UBE2U: variants seen among roughly 807,000 people sequenced by gnomAD.
The protein encoded by UBE2U is ubiquitin conjugating enzyme E2 U.
A neutral mutation model predicts 41.2 loss-of-function variants in UBE2U; 39 were observed. The observed-to-expected ratio is 0.95, with a 90% CI of 0.73 to 1.24. The LOEUF (loss-of-function observed/expected upper bound fraction) is 1.24, where lower values mean the gene tolerates loss of function less well. Among genes scored for constraint, UBE2U ranks in the 50% most tolerant of loss-of-function variants. UBE2U has a pLI of 0.00. For synonymous variants in UBE2U, 107 were observed against 117.8 expected (o/e 0.91, Z 0.60); for missense variants, 336 against 363.1 (o/e 0.93, Z 0.61).
intron 8 of UBE2U, chr1:64,244,078 C>A: frequency 1.5e-6 from 2 of 1,293,242 alleles, no homozygotes; most frequent in African/African-American, 1.5e-5. Flanking sequence ...TCATAAAGTT[C>A]GCTATTATTC....
At chr1:64,261,519 G>A (rs889571071) in intron 9 of UBE2U, among the ~76,000 whole-genome samples, 2 of 152,162 alleles carry the variant, frequency 1.3e-5, no homozygotes, top group African/African-American at 4.8e-5. Context: ...TTCATTCAGT[G>A]ATTCTCCAAG....
intron 6 of UBE2U, among the ~76,000 whole-genome samples, chr1:64,223,168 C>CACACCTGAT (rs1436634401): frequency 6.6e-6 from 1 of 152,196 alleles, no homozygotes; most frequent in African/African-American, 2.4e-5. Context: ...TGTGAGGATA[C>CACACCTGAT]ACACCTGATT....
chr1:64,239,090 G>GAAGAAGAAGAAGAAGAAGAAGAAGA (rs1557729590), intron 7 of UBE2U, among the ~76,000 whole-genome samples: 1 of 48,118 alleles, frequency 2.1e-5, no homozygotes, highest in African/African-American at 8.2e-5. Flanking sequence ...GGAAGAGGAA[G>GAAGAAGAAGAAGAAGAAGAAGAAGA]AGGAAGAAGA....
chr1:64,260,813 T>C lies in UBE2U; in HGVS notation c.769+119T>C. On this transcript the variant is annotated intron_variant, in intron 9 of 9. Coordinates refer to ENST00000371077, the MANE Select transcript of UBE2U (RefSeq NM_001366232.2). ...GAATATATGAGGGCTAATCCTTGTG[T>C]TCTCCTTTTAAGGTTGCTTTAACTT... 4.2e-6 allele frequency: 3 copies of C among 714,468 alleles called. No individual in the cohort carries two copies. In the Admixed American group the frequency reaches 1.0e-4, roughly 24 times the overall value. 44.3% of individuals were successfully genotyped at this position (714,468 alleles called of 1,614,324 possible). A position where few individuals can be genotyped will look rare whatever the true frequency, so the allele number is the denominator to read the frequency against.
chr1:64,206,903 A>G, intron 3 of UBE2U, 47 bp downstream of exon 3: 1 of 1,088,500 alleles, frequency 9.2e-7, no homozygotes, highest in East Asian at 2.4e-5. Flanking sequence ...TGTCCCTATT[A>G]TCCTTGTTTC....
In UBE2U at chr1:64,232,635, A is replaced by G. The variant is rs774612250; in HGVS notation, c.581A>G (p.Tyr194Cys). The change falls in exon 7 of 10, where the codon TAC becomes TGC. Residue 194 changes from tyrosine to cysteine, a missense_variant. Physicochemically the swap from Tyr to Cys is radical, Grantham distance 194. Transcript: ENST00000371077. ...ATAGCTACATCAAAAGCCACAGAAT[A>G]CTACAGAACTCCATGTAAGGTGAAC... The part of the protein sequence containing the change: ...SRIATSKATE[Y>C]YRTPLLKVPN... The G allele has an allele frequency of 1.1e-5, 17 of 1,612,476 alleles. No homozygotes were observed. The highest frequency in any genetic ancestry group is 1.3e-5 in the Non-Finnish European group (15 of 1,178,884).
intron 4 of UBE2U, among the ~76,000 whole-genome samples, chr1:64,213,975 T>G (rs867865079): frequency 2.0e-5 from 3 of 152,162 alleles, no homozygotes; most frequent in South Asian, 2.1e-4. Flanking sequence ...CAGTAAAAAT[T>G]TGGTATTATT....
chr1:64,242,249 C>T lies in UBE2U; in HGVS notation c.677+516C>T, dbSNP rs1021949247. Among the ~76,000 whole-genome samples the T allele has an allele frequency of 3.3e-5, 5 of 152,128 alleles. No individual in the cohort carries two copies. The South Asian group carries it at 1.0e-3, about 32-fold the overall frequency. ...TCTTTAGAAATCATTGACTCTTAGA[C>T]CACATTAAGGAAGGAACCTTAATCT... On this transcript the variant is annotated intron_variant, in intron 8 of 9. Coordinates refer to ENST00000371077, the MANE Select transcript of UBE2U (RefSeq NM_001366232.2).
At position 64,214,823 on chromosome 1, in the gene UBE2U, T is replaced by C; in HGVS notation, c.348T>C (p.Leu116=). The change falls in exon 5 of 10, where the codon CTT becomes CTC. Residue 116 remains leucine (L), a synonymous_variant. Transcript: ENST00000371077. ...SSILLALQVM[L]SNPVLENPVN... ...TCTGTGTTTTCCTATAGGTTATGCT[T>C]TCTAATCCAGTGCTAGAGAATCCAG... The C allele has an allele frequency of 6.2e-7, 1 of 1,613,936 alleles. No homozygotes were observed. The highest frequency in any genetic ancestry group is 8.5e-7 in the Non-Finnish European group (1 of 1,179,802).
chr1:64,218,319 T>G (rs1450585716), intron 5 of UBE2U, among the ~76,000 whole-genome samples: 1 of 152,098 alleles, frequency 6.6e-6, no homozygotes, highest in Non-Finnish European at 1.5e-5. Flanking sequence ...TTGCTCGAGT[T>G]ACGTACCTCT....
rs1274008857 is a variant in UBE2U at position 64,203,886 on chromosome 1, C to A, written c.-165C>A. Reference sequence around the variant, plus strand: ...TCAGGAGAAAAAGTCATTGTTATATCCCAACTTTAGAAGCCGCTTATCTTG... The same window carrying A: ...TCAGGAGAAAAAGTCATTGTTATATACCAACTTTAGAAGCCGCTTATCTTG... On this transcript the variant is annotated 5_prime_UTR_variant, in exon 1 of 10. Transcript: ENST00000371077. The A allele has an allele frequency of 1.4e-5, 7 of 488,986 alleles. No individual in the cohort carries two copies. Among genetic ancestry groups the A allele is most frequent in the Non-Finnish European group, 3.6e-6 (1 of 278,278 alleles). The allele number at this position is 488,986 out of a possible 1,614,324, so 30.3% of individuals were successfully genotyped here. A position where few individuals can be genotyped will look rare whatever the true frequency, so the allele number is the denominator to read the frequency against.
intron 4 of UBE2U, 83 bp from the exon 5 acceptor site, chr1:64,214,732 T>G (rs78223171): frequency 1.0e-6 from 1 of 987,868 alleles, no homozygotes; most frequent in Admixed American, 1.8e-5. Flanking sequence ...ACATGCTTAT[T>G]GAAAGTTGTA....
chr1:64,260,574 G>A, intron 8 of UBE2U, 29 bp from the exon 9 acceptor site: 2 of 1,509,874 alleles, frequency 1.3e-6, no homozygotes, highest in Non-Finnish European at 1.8e-6. Flanking sequence ...AATTCATTTG[G>A]GAATTTAGTT....
chr1:64,266,987 T>C (rs1342363864), intron 9 of UBE2U, 37 bp from the exon 10 acceptor site: 1 of 1,503,604 alleles, frequency 6.7e-7, no homozygotes, highest in African/African-American at 1.4e-5. Context: ...TCTTATTATG[T>C]CTATTAAATT....
Position 64,206,810 on chromosome 1 carries a change from T to C in UBE2U, c.195T>C (p.Tyr65=). 6.2e-7 allele frequency: 1 copy of C among 1,607,410 alleles called. No individual in the cohort carries two copies. The highest frequency in any genetic ancestry group is 8.5e-7 in the Non-Finnish European group (1 of 1,175,768). ...LTIHFTSEYN[Y]APPVVKFITI... ...TACATTTTACATCGGAGTACAACTA[T>C]GCTCCTCCAGTTGTGAAATTTATAA... Residue 65 remains tyrosine, a synonymous_variant, in exon 3 of 10, where the codon TAT becomes TAC. Coordinates refer to ENST00000371077, the MANE Select transcript of UBE2U (RefSeq NM_001366232.2).
chr1:64,220,441 G>A (rs1652365307), intron 5 of UBE2U, among the ~76,000 whole-genome samples: 1 of 152,170 alleles, frequency 6.6e-6, no homozygotes, highest in South Asian at 2.1e-4. Flanking sequence ...TTTTTCCAGA[G>A]GTTAAATATC....
At position 64,216,751 on chromosome 1, in the gene UBE2U, T is replaced by TA. The variant is rs968926148; in HGVS notation, c.457+1820dup. 1.4e-3 allele frequency among the ~76,000 whole-genome samples: 215 copies of TA among 152,350 alleles called. 1 individual carries two copies. The highest frequency in any genetic ancestry group is 4.9e-3 in the African/African-American group (204 of 41,580). ...ACCCAAACTTTTCCCCAACATTTGT[T>TA]ATGTTTGCCTACCCTGAATAGCTAG... On this transcript the variant is annotated intron_variant, in intron 5 of 9. Coordinates refer to ENST00000371077, the MANE Select transcript of UBE2U (RefSeq NM_001366232.2).
At chr1:64,214,754 G>A in intron 4 of UBE2U, 61 bp from the exon 5 acceptor site, 9 of 1,301,190 alleles carry the variant, frequency 6.9e-6, no homozygotes, top group Non-Finnish European at 1.0e-5. Context: ...ATATTGGTTT[G>A]TCGTTTTGCT....
intron 4 of UBE2U, among the ~76,000 whole-genome samples, chr1:64,213,728 A>T (rs1651797967): frequency 6.6e-6 from 1 of 152,232 alleles, no homozygotes; most frequent in African/African-American, 2.4e-5. Flanking sequence ...GTATATTGCC[A>T]TGTGCTTAGC....
Sources: allele counts gnomAD v4.1 joint callset (sites outside exome capture counted in the v4.1 genomes callset), GRCh38; gene constraint gnomAD v4.1.1; transcripts MANE v1.5; gene names NCBI Gene and HGNC (gene_info 2026-07-23, HGNC 2026-07-21).